ERC2: variants seen among roughly 807,000 people sequenced by gnomAD.
ERC2 encodes the protein ELKS/RAB6-interacting/CAST family member 2.
ERC2 carries 42 observed loss-of-function variants against 114.8 expected under a neutral mutation model. The ratio of observed to expected loss-of-function variants is 0.37; its 90% CI spans 0.29 to 0.47. The LOEUF (loss-of-function observed/expected upper bound fraction) is 0.47. Among genes scored for constraint, ERC2 ranks in the 20% least tolerant of loss-of-function variants. The pLI, the probability that ERC2 is intolerant of heterozygous loss-of-function variation, is 0.99. For missense variants in ERC2, 939 were observed against 1,150.7 expected (o/e 0.82, Z 2.66); for synonymous variants, 454 against 425.5 (o/e 1.07, Z -0.82).
chr3:56,024,549 GA>G (rs1253190963), intron 7 of ERC2, among the ~76,000 whole-genome samples: 2 of 152,202 alleles, frequency 1.3e-5, no homozygotes, highest in African/African-American at 4.8e-5. Flanking sequence ...ACATTCCAAT[GA>G]CACTGGGGCA....
chr3:56,237,784 T>C (rs1215961819), intron 3 of ERC2, among the ~76,000 whole-genome samples: 1 of 152,170 alleles, frequency 6.6e-6, no homozygotes, highest in Non-Finnish European at 1.5e-5. Flanking sequence ...ACGACGTACA[T>C]GTGAGTTTTA....
rs189246967 is a variant in ERC2 at position 56,443,779 on chromosome 3, A to G, written c.-140-8632T>C. 6.3e-4 allele frequency among the ~76,000 whole-genome samples: 96 copies of G among 152,134 alleles called. 1 individual carries two copies. The highest frequency in any genetic ancestry group is 6.2e-3 in the Admixed American group (95 of 15,272). On this transcript the variant is annotated intron_variant, in intron 1 of 17. Coordinates refer to ENST00000288221, the MANE Select transcript of ERC2 (RefSeq NM_015576.3). ...ACTTTATTGAGCAATCAATAATGCA[A>G]TCATGTCTTCCATTGCCCATTACTG...
At chr3:56,075,034 G>C (rs977236836) in intron 7 of ERC2, among the ~76,000 whole-genome samples, 5 of 152,150 alleles carry the variant, frequency 3.3e-5, no homozygotes, top group Non-Finnish European at 7.4e-5. Context: ...AGCCCTGAGA[G>C]GAAAGCCAAC....
intron 6 of ERC2, among the ~76,000 whole-genome samples, chr3:56,129,837 T>G (rs1419681437): frequency 2.6e-5 from 4 of 152,204 alleles, no homozygotes; most frequent in Non-Finnish European, 5.9e-5. Context: ...TGGACACAGA[T>G]TATGAACAGA....
At chr3:55,554,361 T>C (rs2055443658) in intron 17 of ERC2, among the ~76,000 whole-genome samples, 1 of 152,226 alleles carries the variant, frequency 6.6e-6, no homozygotes, top group African/African-American at 2.4e-5. Context: ...TACTGCTTTA[T>C]GGGAGCTGAT....
intron 17 of ERC2, among the ~76,000 whole-genome samples, chr3:55,623,400 C>G (rs942662624): frequency 1.8e-4 from 28 of 152,154 alleles, no homozygotes; most frequent in African/African-American, 6.8e-4. Context: ...TAGTGAACCC[C>G]AAGTTTCTCT....
At chr3:56,234,911 G>C (rs1053402448) in intron 3 of ERC2, among the ~76,000 whole-genome samples, 1 of 152,180 alleles carries the variant, frequency 6.6e-6, no homozygotes, top group African/African-American at 2.4e-5. Context: ...TGGGAATCAA[G>C]TTTCCAACAC....
At chr3:55,722,419 C>T (rs7644056) in intron 15 of ERC2, among the ~76,000 whole-genome samples, 16 of 152,016 alleles carry the variant, frequency 1.1e-4, no homozygotes, top group Admixed American at 7.2e-4. Flanking sequence ...GCTCACCCCC[C>T]ACTTGGCTGG....
intron 2 of ERC2, among the ~76,000 whole-genome samples, chr3:56,415,091 C>T (rs142270697): frequency 7.9e-5 from 12 of 152,326 alleles, no homozygotes; most frequent in African/African-American, 2.9e-4. Context: ...ATCTTAACAA[C>T]TAATTCCCCA....
At chr3:55,976,304 G>A (rs553855529) in intron 12 of ERC2, among the ~76,000 whole-genome samples, 11 of 152,186 alleles carry the variant, frequency 7.2e-5, no homozygotes, top group Admixed American at 3.3e-4. Flanking sequence ...TGGGTCCAAG[G>A]TGACTCTGGA....
intron 2 of ERC2, among the ~76,000 whole-genome samples, chr3:56,331,346 C>T (rs531861689): frequency 1.3e-5 from 2 of 152,140 alleles, no homozygotes; most frequent in South Asian, 4.1e-4. Context: ...ATTTTCCACC[C>T]ATTGACCTCC....
At chr3:56,163,369 T>C (rs1449617830) in intron 4 of ERC2, among the ~76,000 whole-genome samples, 3 of 152,084 alleles carry the variant, frequency 2.0e-5, no homozygotes, top group Non-Finnish European at 4.4e-5. Context: ...ATTCTGTAGA[T>C]GTCTATTAGG....
At chr3:56,036,558 C>A (rs376379738) in intron 7 of ERC2, among the ~76,000 whole-genome samples, 1 of 152,226 alleles carries the variant, frequency 6.6e-6, no homozygotes, top group East Asian at 1.9e-4. Context: ...TCCTGCACCT[C>A]CAGCTGAGGT....
At chr3:56,326,423 A>T (rs1488116093) in intron 2 of ERC2, among the ~76,000 whole-genome samples, 2 of 152,192 alleles carry the variant, frequency 1.3e-5, no homozygotes, top group African/African-American at 4.8e-5. Context: ...AACAGTCTCA[A>T]CCCACCCACC....
chr3:55,926,438 C>T (rs1177561086), intron 13 of ERC2, among the ~76,000 whole-genome samples: 4 of 147,466 alleles, frequency 2.7e-5, no homozygotes, highest in Non-Finnish European at 6.0e-5. Flanking sequence ...ACTAAAAGAT[C>T]GAAGTCCTAC....
At chr3:55,713,967 C>T (rs933683845) in intron 15 of ERC2, among the ~76,000 whole-genome samples, 2 of 152,172 alleles carry the variant, frequency 1.3e-5, no homozygotes, top group African/African-American at 2.4e-5. Flanking sequence ...ACCAAAGTGA[C>T]GTTAGCATTA....
chr3:55,928,949 T>C (rs1372048071), intron 13 of ERC2, among the ~76,000 whole-genome samples: 2 of 152,228 alleles, frequency 1.3e-5, no homozygotes, highest in East Asian at 1.9e-4. Flanking sequence ...AGGTTCTCTA[T>C]TCTGTTCTAT....
At chr3:55,674,724 A>G (rs561872194) in intron 17 of ERC2, among the ~76,000 whole-genome samples, 1 of 152,272 alleles carries the variant, frequency 6.6e-6, no homozygotes, top group East Asian at 1.9e-4. Context: ...AGATTATAAC[A>G]ATCTTTCTTC....
At chr3:56,259,242 G>C (rs183151157) in intron 3 of ERC2, among the ~76,000 whole-genome samples, 187 of 152,140 alleles carry the variant, frequency 1.2e-3, no homozygotes, top group African/African-American at 4.4e-3. Context: ...AAAGCTCTGG[G>C]ATTACAGGAG....
Sources: allele counts gnomAD v4.1 joint callset (sites outside exome capture counted in the v4.1 genomes callset), GRCh38; gene constraint gnomAD v4.1.1; transcripts MANE v1.5; gene names NCBI Gene and HGNC (gene_info 2026-07-23, HGNC 2026-07-21).